Variants in DPP10 observed in about 807,000 individuals in gnomAD.
DPP10 encodes inactive dipeptidyl peptidase 10.
Under a neutral mutation model 120.9 loss-of-function variants are expected in DPP10, and 33 were observed. The observed-to-expected ratio is 0.27, with a 90% confidence interval of 0.21 to 0.37. The LOEUF (loss-of-function observed/expected upper bound fraction) is 0.37. Ranked by LOEUF, DPP10 falls within the 10% of genes least tolerant of loss-of-function variation. DPP10 has a pLI of 1.00. For synonymous variants in DPP10, 337 were observed against 326.1 expected, an observed-to-expected ratio of 1.03 and a Z score of -0.36; for missense variants, 816 against 942.8, an observed-to-expected ratio of 0.87 and a Z score of 1.76.
At chr2:115,428,149 A>T (rs2070648675) in intron 3 of DPP10, among the ~76,000 whole-genome samples, 1 of 152,166 alleles carries the variant, frequency 6.6e-6, no homozygotes, top group Admixed American at 6.6e-5. Context: ...CACTGTCCAT[A>T]TCACTATCAG....
At chr2:114,871,350 C>G (rs1421262768) in intron 1 of DPP10, among the ~76,000 whole-genome samples, 1 of 152,122 alleles carries the variant, frequency 6.6e-6, no homozygotes, top group East Asian at 1.9e-4. Flanking sequence ...ATCAAATGTA[C>G]TATACACATC....
intron 1 of DPP10, among the ~76,000 whole-genome samples, chr2:114,608,850 G>A (rs762068308): frequency 6.6e-6 from 1 of 152,230 alleles, no homozygotes; most frequent in South Asian, 2.1e-4. Context: ...GGTAGTTAGG[G>A]CATAAAGATG....
At chr2:114,793,227 C>T (rs928446225) in intron 1 of DPP10, among the ~76,000 whole-genome samples, 5 of 152,002 alleles carry the variant, frequency 3.3e-5, no homozygotes, top group Admixed American at 6.6e-5. Flanking sequence ...ACACACGTGC[C>T]ATGGTGGTTC....
intron 1 of DPP10, among the ~76,000 whole-genome samples, chr2:114,915,222 A>G (rs1324555886): frequency 3.3e-5 from 5 of 152,254 alleles, no homozygotes; most frequent in Non-Finnish European, 7.3e-5. Flanking sequence ...CTTATTTCAG[A>G]CAAAACAGAC....
intron 12 of DPP10, 26 bp downstream of exon 12, chr2:115,762,636 C>G (rs1301913146): frequency 6.2e-7 from 1 of 1,611,764 alleles, no homozygotes; most frequent in Non-Finnish European, 8.5e-7. Context: ...TCTGTCACAT[C>G]TTGGCCATTG....
intron 1 of DPP10, among the ~76,000 whole-genome samples, chr2:114,787,104 G>A (rs1233201794): frequency 6.6e-6 from 1 of 152,176 alleles, no homozygotes; most frequent in Non-Finnish European, 1.5e-5. Context: ...AAACAGTGAT[G>A]TCATAGAAAA....
At chr2:115,409,022 TTAAAGA>T (rs2068738207) in intron 3 of DPP10, among the ~76,000 whole-genome samples, 1 of 151,926 alleles carries the variant, frequency 6.6e-6, no homozygotes, top group Admixed American at 6.6e-5. Flanking sequence ...TTGTCCATTT[TTAAAGA>T]TAAAGGAAGG....
At chr2:114,862,127 C>T (rs1689852338) in intron 1 of DPP10, among the ~76,000 whole-genome samples, 1 of 152,162 alleles carries the variant, frequency 6.6e-6, no homozygotes, top group Non-Finnish European at 1.5e-5. Flanking sequence ...CAAAATTCCA[C>T]TTCTCAATAT....
At chr2:115,751,406 A>G (rs1390717760) in intron 10 of DPP10, among the ~76,000 whole-genome samples, 3 of 152,202 alleles carry the variant, frequency 2.0e-5, no homozygotes, top group Non-Finnish European at 4.4e-5. Flanking sequence ...TACCTAAGCC[A>G]GCTGCATATT....
At chr2:115,067,498 C>A (rs576366134) in intron 1 of DPP10, among the ~76,000 whole-genome samples, 1 of 150,046 alleles carries the variant, frequency 6.7e-6, no homozygotes, top group Non-Finnish European at 1.5e-5. Context: ...GTGATCCCCC[C>A]GCCTCGGCCT....
At chr2:115,056,419 C>T (rs1462407832) in intron 1 of DPP10, among the ~76,000 whole-genome samples, 1 of 152,148 alleles carries the variant, frequency 6.6e-6, no homozygotes, top group African/African-American at 2.4e-5. Flanking sequence ...TGCTCTGTCA[C>T]TCAGGCTGGA....
chr2:115,792,559 A>G (rs12998221), intron 19 of DPP10, among the ~76,000 whole-genome samples: 28,533 of 152,094 alleles, frequency 0.19, 3,496 homozygotes, highest in Middle Eastern at 0.4. Context: ...CCTAAAAGCC[A>G]GAAAGCTCTG....
At chr2:115,609,421 A>T (rs543265956) in intron 5 of DPP10, among the ~76,000 whole-genome samples, 1 of 152,250 alleles carries the variant, frequency 6.6e-6, no homozygotes, top group South Asian at 2.1e-4. Flanking sequence ...AGGAGAGATG[A>T]AAAAAGAGTC....
At chr2:115,760,169 T>C (rs1679941104) in intron 11 of DPP10, among the ~76,000 whole-genome samples, 1 of 152,220 alleles carries the variant, frequency 6.6e-6, no homozygotes, top group African/African-American at 2.4e-5. Flanking sequence ...AGAGACTATT[T>C]AATTGTCCAC....
At chr2:114,697,994 A>G (rs1051312959) in intron 1 of DPP10, among the ~76,000 whole-genome samples, 3 of 152,078 alleles carry the variant, frequency 2.0e-5, no homozygotes, top group Non-Finnish European at 2.9e-5. Flanking sequence ...TGTTGTCACT[A>G]TTACATTTCA....
intron 1 of DPP10, among the ~76,000 whole-genome samples, chr2:115,133,182 T>G (rs1286868262): frequency 1.5e-5 from 2 of 137,540 alleles, no homozygotes; most frequent in African/African-American, 5.5e-5. Context: ...TATATAGTTT[T>G]TTTTTTTTTT....
At chr2:115,590,905 T>G (rs1435409415) in intron 5 of DPP10, among the ~76,000 whole-genome samples, 1 of 152,238 alleles carries the variant, frequency 6.6e-6, no homozygotes, top group Non-Finnish European at 1.5e-5. Flanking sequence ...GATTTGCATT[T>G]CTCTGATGGC....
intron 4 of DPP10, among the ~76,000 whole-genome samples, chr2:115,520,290 C>G (rs2077727898): frequency 6.6e-6 from 1 of 152,112 alleles, no homozygotes; most frequent in Admixed American, 6.5e-5. Flanking sequence ...TGCACTCCAG[C>G]CCGGGTGACA....
At chr2:114,443,050 CTT>C (rs112562580) in intron 1 of DPP10, among the ~76,000 whole-genome samples, 141 of 144,494 alleles carry the variant, frequency 9.8e-4, no homozygotes, top group African/African-American at 3.0e-3. Context: ...ATCTTCATGA[CTT>C]TTTTTTTTTT....
Sources: gnomAD v4.1 joint callset for allele counts (sites outside exome capture counted in the v4.1 genomes callset) on GRCh38, gnomAD v4.1.1 for gene constraint, MANE v1.5 for transcripts, NCBI Gene and HGNC (gene_info 2026-07-23, HGNC 2026-07-21) for gene names.